The following TRIM66 variants were observed in gnomAD, a reference collection of about 807,000 sequenced individuals.
The protein encoded by TRIM66 is tripartite motif containing 66, also known as tripartite motif-containing protein 66.
A neutral mutation model predicts 148.2 loss-of-function variants in TRIM66; 99 were observed. The ratio of observed to expected loss-of-function variants is 0.67; its 90% CI spans 0.57 to 0.79. TRIM66 has a LOEUF of 0.79. TRIM66 is among the 30% of genes least tolerant of loss of function. The pLI, the probability that TRIM66 is intolerant of heterozygous loss-of-function variation, is 0.00. For synonymous variants in TRIM66, 616 were observed against 635.9 expected, an observed-to-expected ratio of 0.97 and a Z score of 0.47; for missense variants, 1,666 against 1,697.9, an observed-to-expected ratio of 0.98 and a Z score of 0.33.
intron 15 of TRIM66, among the ~76,000 whole-genome samples, chr11:8,631,158 A>G (rs896306856): frequency 6.6e-6 from 1 of 152,218 alleles, no homozygotes; most frequent in African/African-American, 2.4e-5. Context: ...AAGACTAGGA[A>G]TCTGGGACCA....
Position 8,648,649 on chromosome 11 carries a change from G to T in TRIM66, c.593-101C>A. On this transcript the variant is annotated intron_variant, in intron 8 of 24. Coordinates refer to ENST00000646038, the MANE Select transcript of TRIM66 (RefSeq NM_001388022.1). Reference sequence around the variant, plus strand: ...CTCTCAGCCTTCAGAGGACACTGCAGAAATACAGAGCTCGGGGGAAGTGTT... The same window carrying T: ...CTCTCAGCCTTCAGAGGACACTGCATAAATACAGAGCTCGGGGGAAGTGTT... The T allele has an allele frequency of 2.2e-6, 3 of 1,360,958 alleles. No homozygotes were observed. The South Asian group carries it at 4.2e-5, about 19-fold the overall frequency. 84.3% of individuals were successfully genotyped at this position (1,360,958 alleles called of 1,614,324 possible). A position where few individuals can be genotyped will look rare whatever the true frequency, so the allele number is the denominator to read the frequency against.
chr11:8,633,721 C>T (rs1179166942), intron 15 of TRIM66, among the ~76,000 whole-genome samples: 1 of 152,128 alleles, frequency 6.6e-6, no homozygotes, highest in African/African-American at 2.4e-5. Context: ...ATAGCAGTAG[C>T]TTTGGAGACT....
In TRIM66 at chr11:8,624,896, C is replaced by G; in HGVS notation, c.2643G>C (p.Gly881=). 6.4e-7 allele frequency: 1 copy of G among 1,551,582 alleles called. No individual in the cohort carries two copies. The highest frequency in any genetic ancestry group is 2.0e-5 in the Admixed American group (1 of 51,006). Residue 881 remains glycine, a synonymous_variant, in exon 16 of 25, where the codon GGG becomes GGC. Transcript: ENST00000646038. ...ASLASDHPQA[G]PSLMSGHTQA... is the part of the protein sequence containing the mutation. ...GGGTGTGACCAGACATTAGGCTGGGCCCAGCCTGAGGGTGATCACTTGCCA... is the reference window on the plus strand; with the variant it reads ...GGGTGTGACCAGACATTAGGCTGGGGCCAGCCTGAGGGTGATCACTTGCCA...
rs539086017 is a variant in TRIM66, at chr11:8,648,397, G to T, written c.725+19C>A. The T allele has an allele frequency of 1.4e-5, 21 of 1,550,424 alleles. No individual in the cohort carries two copies. The African/African-American group carries it at 2.5e-4, about 18-fold the overall frequency. On this transcript the variant is annotated intron_variant, in intron 9 of 24. Transcript: ENST00000646038. ...CCAGAGCCCTCCCCAGCCCATTTCA[G>T]GCAGTCTGTCAGCCCCACCTGTGTT...
At chr11:8,681,459 A>G (rs997788952) in intron 1 of TRIM66, among the ~76,000 whole-genome samples, 3 of 152,220 alleles carry the variant, frequency 2.0e-5, no homozygotes, top group African/African-American at 7.2e-5. Context: ...TAGCTAAAAT[A>G]TATTTTAGCT....
chr11:8,642,093 CCT>C (rs1592105023), intron 13 of TRIM66, among the ~76,000 whole-genome samples: 1 of 152,162 alleles, frequency 6.6e-6, no homozygotes, highest in African/African-American at 2.4e-5. Flanking sequence ...GGCACTGCCC[CCT>C]GAGGCCTCTA....
At chr11:8,624,213 C>T (rs2034582991) in intron 17 of TRIM66, 146 bp downstream of exon 17, 1 of 908,222 alleles carries the variant, frequency 1.1e-6, no homozygotes, top group African/African-American at 1.7e-5. Context: ...TAAGACAGTT[C>T]CGGAGGAGAG....
intron 22 of TRIM66, 143 bp downstream of exon 22, chr11:8,619,907 G>A (rs919062553): frequency 1.2e-5 from 11 of 881,544 alleles, no homozygotes; most frequent in Admixed American, 4.9e-5. Context: ...CCTCTGAGCA[G>A]AAAAGACAGT....
intron 13 of TRIM66, 73 bp downstream of exon 13, chr11:8,642,936 C>T (rs1041547881): frequency 2.1e-6 from 2 of 942,026 alleles, no homozygotes; most frequent in East Asian, 4.1e-5. Context: ...ATATGCTGAC[C>T]TACCCAGTAA....
intron 23 of TRIM66, 154 bp downstream of exon 23, chr11:8,619,229 G>C: frequency 1.1e-6 from 1 of 920,250 alleles, no homozygotes; most frequent in South Asian, 1.8e-5. Flanking sequence ...GAGTGTGGGA[G>C]AGAGCTTTTA....
intron 10 of TRIM66, among the ~76,000 whole-genome samples, 158 bp downstream of exon 10, chr11:8,647,812 C>A (rs984532882): frequency 1.3e-5 from 2 of 152,160 alleles, no homozygotes; most frequent in African/African-American, 2.4e-5. Flanking sequence ...GGCCCTGAGA[C>A]CTCAAAGGCC....
At chr11:8,638,504 C>A (rs1464365362) in intron 15 of TRIM66, 150 bp downstream of exon 15, 52 of 844,724 alleles carry the variant, frequency 6.2e-5, no homozygotes, top group Non-Finnish European at 1.8e-6. Context: ...TGCTGACTCA[C>A]TACGGCAGAA....
At position 8,625,128 on chromosome 11, in the gene TRIM66, A is replaced by C; in HGVS notation, c.2411T>G (p.Val804Gly). Reference protein sequence around the residue: ...ERPLEPQIQSVSNLTAGAPQA... With the variant: ...ERPLEPQIQSGSNLTAGAPQA... ...GGGGGCACCAGCTGTCAGGTTGCTC[A>C]CACTCTGGATCTGTGGCTCTAGGGG... Residue 804 changes from valine (V) to glycine (G), a missense_variant, in exon 16 of 25, where the codon GTG becomes GGG. This residue lies in a region of TRIM66 where 1,431 missense variants were observed against 1,412.4 expected (regional missense o/e 1.01). Coordinates refer to ENST00000646038, the MANE Select transcript of TRIM66 (RefSeq NM_001388022.1). 12 of 1,551,544 alleles carry C rather than the reference A, an allele frequency of 7.7e-6. No individual in the cohort carries two copies. The highest frequency in any genetic ancestry group is 1.0e-5 in the Non-Finnish European group (12 of 1,146,892).
intron 18 of TRIM66, among the ~76,000 whole-genome samples, chr11:8,622,365 C>CACACACATAT: frequency 6.7e-5 from 4 of 59,576 alleles, no homozygotes; most frequent in African/African-American, 2.3e-4. Flanking sequence ...CACACACACA[C>CACACACATAT]ATATATATAT....
chr11:8,681,122 G>C lies in TRIM66; in HGVS notation c.-547-1059C>G, dbSNP rs140224269. Among the ~76,000 whole-genome samples, 934 of 149,942 alleles carry C rather than the reference G, an allele frequency of 6.2e-3. 10 individuals are homozygous for C. The highest frequency in any genetic ancestry group is 0.021 in the African/African-American group (870 of 40,508). On this transcript the variant is annotated intron_variant, in intron 1 of 24. Transcript: ENST00000646038. Reference sequence around the variant, plus strand: ...CTTGGCTGTAAGGGCAAGGACATGGGAGAATTTTGGAATTTTTTTTTTTTT... The same window carrying C: ...CTTGGCTGTAAGGGCAAGGACATGGCAGAATTTTGGAATTTTTTTTTTTTT...
upstream of TRIM66, chr11:8,683,094 C>T (rs75984823): frequency 0.021 from 25,806 of 1,224,140 alleles, 329 homozygotes; most frequent in Non-Finnish European, 0.027. Flanking sequence ...CCCAAACGCT[C>T]CAGAAGTTAG....
rs1466303747 is a variant in TRIM66, at chr11:8,646,493, A to G, written c.911T>C (p.Met304Thr). Residue 304 changes from methionine (M) to threonine (T), a missense_variant, in exon 11 of 25, where the codon ATG becomes ACG. Met to Thr is a moderately conservative substitution (Grantham distance 81, BLOSUM62 -1). Coordinates refer to ENST00000646038, the MANE Select transcript of TRIM66 (RefSeq NM_001388022.1). ...ATTGGCCTGTTTGTTCAGCTCATTC[A>G]TCAGAACCATCTTGGCCATTTTGAT... ...NQIKMAKMVL[M>T]NELNKQANGL... 1.3e-6 allele frequency: 2 copies of G among 1,552,268 alleles called. No individual in the cohort carries two copies. Among genetic ancestry groups the G allele is most frequent in the South Asian group, 2.4e-5 (2 of 84,066 alleles).
intron 4 of TRIM66, among the ~76,000 whole-genome samples, chr11:8,674,108 T>C (rs2039070206): frequency 6.6e-6 from 1 of 152,260 alleles, no homozygotes; most frequent in African/African-American, 2.4e-5. Flanking sequence ...CCTGAGTTTA[T>C]TTCACTGGGC....
chr11:8,618,041 A>G lies in TRIM66; in HGVS notation c.4120-38T>C, dbSNP rs747178360. 7 of 1,533,056 alleles carry G rather than the reference A, an allele frequency of 4.6e-6. No individual in the cohort carries two copies. In the South Asian group the frequency reaches 7.2e-5, roughly 16 times the overall value. 95.0% of individuals were successfully genotyped at this position (1,533,056 alleles called of 1,614,324 possible). A position where few individuals can be genotyped will look rare whatever the true frequency, so the allele number is the denominator to read the frequency against. ...TATATATTTGGAATTAAAATAGCCA[A>G]ATGTAGGATTTATTAACATGAAAAG... On this transcript the variant is annotated intron_variant, in intron 24 of 24. Coordinates refer to ENST00000646038, the MANE Select transcript of TRIM66 (RefSeq NM_001388022.1).
Sources: allele counts gnomAD v4.1 joint callset (sites outside exome capture counted in the v4.1 genomes callset), GRCh38; gene constraint gnomAD v4.1.1; regional missense constraint gnomAD v4.1.1; transcripts MANE v1.5; gene names NCBI Gene and HGNC (gene_info 2026-07-23, HGNC 2026-07-21).